Variants in KCP observed in about 807,000 individuals in gnomAD.
KCP encodes kielin/chordin-like protein.
KCP carries 194 observed loss-of-function variants against 212.7 expected under a neutral mutation model. The observed-to-expected ratio is 0.91, with a 90% CI of 0.81 to 1.03. The LOEUF (loss-of-function observed/expected upper bound fraction) is 1.03. Ranked by LOEUF, KCP falls within the 50% of genes least tolerant of loss-of-function variation. The probability of loss-of-function intolerance (pLI) is 0.00; values close to 1 mark genes in which losing one functional copy is unlikely to be tolerated. For missense variants in KCP, 2,080 were observed against 2,162.5 expected (o/e 0.96, Z 0.76); for synonymous variants, 833 against 865.3 (o/e 0.96, Z 0.65).
Position 128,878,523 on chromosome 7 carries a change from C to T in KCP, c.4311+35G>A, listed in dbSNP as rs752838026. On this transcript the variant is annotated intron_variant, in intron 38 of 39. Coordinates refer to ENST00000610776, the MANE Select transcript of KCP (RefSeq NM_001366122.1). The stretch of plus-strand genomic sequence containing the variant: ...TGAGACTCATGCTCAGCTGCGTCTC[C>T]CCTAATCCCCATCCCCGGTTCCTGT... 7 of 1,541,992 alleles carry T rather than the reference C, an allele frequency of 4.5e-6. No homozygotes were observed. In the South Asian group the frequency reaches 8.4e-5, roughly 19 times the overall value.
chr7:128,880,083 G>T lies in KCP; in HGVS notation c.3762C>A (p.Asp1254Glu), dbSNP rs1266971387. 6.5e-7 allele frequency: 1 copy of T among 1,535,620 alleles called. No individual in the cohort carries two copies. Among genetic ancestry groups the T allele is most frequent in the African/African-American group, 1.4e-5 (1 of 73,022 alleles). Reference sequence around the variant, plus strand: ...TGCCAGGACTCAGGGCAGGGGCCTTGTCCTGCACTCAGCCCCAGACACTGT... The same window carrying T: ...TGCCAGGACTCAGGGCAGGGGCCTTTTCCTGCACTCAGCCCCAGACACTGT... ...QRCSPLSCGP[D>E]KAPALSPGSC... is the part of the protein sequence containing the mutation. Residue 1254 changes from aspartate (D) to glutamate (E), a missense_variant and splice_region_variant, in exon 35 of 40, where the codon GAC becomes GAA. Coordinates refer to ENST00000610776, the MANE Select transcript of KCP (RefSeq NM_001366122.1).
At chr7:128,887,640 C>A (rs1793749565) in intron 22 of KCP, among the ~76,000 whole-genome samples, 1 of 148,666 alleles carries the variant, frequency 6.7e-6, no homozygotes, top group Non-Finnish European at 1.5e-5. Flanking sequence ...CACACACATA[C>A]ATACACAACC....
rs1416575447 is a variant in KCP at position 128,889,263 on chromosome 7, C to T, written c.2336-224G>A. On this transcript the variant is annotated intron_variant, in intron 21 of 39. Coordinates refer to ENST00000610776, the MANE Select transcript of KCP (RefSeq NM_001366122.1). The stretch of plus-strand genomic sequence containing the variant: ...TTCTCCCCTTTATCCTGCAAAAAAC[C>T]TTCCTGTTTAATTTGTAGAAAAACA... Among the ~76,000 whole-genome samples, 4 of 152,274 alleles carry T rather than the reference C, an allele frequency of 2.6e-5. No homozygotes were observed. In the South Asian group the frequency reaches 6.2e-4, roughly 24 times the overall value.
Position 128,907,362 on chromosome 7 carries a change from G to A in KCP, c.311C>T (p.Pro104Leu). Reference protein sequence around the residue: ...PQCWGLGRAWPEGARWEPDAC... With the variant: ...PQCWGLGRAWLEGARWEPDAC... ...GTCAGGCTCCCAGCGTGCCCCCTCG[G>A]GCCAGGCACGCCCCAGCCCCCAGCA... The change falls in exon 3 of 40, where the codon CCC becomes CTC. Residue 104 changes from proline (P) to leucine (L), a missense_variant. Transcript: ENST00000610776. 6.5e-7 allele frequency: 1 copy of A among 1,542,980 alleles called. No individual in the cohort carries two copies. Among genetic ancestry groups the A allele is most frequent in the African/African-American group, 1.4e-5 (1 of 72,988 alleles).
intron 28 of KCP, 131 bp from the exon 29 acceptor site, chr7:128,884,253 G>T: frequency 8.6e-7 from 1 of 1,161,056 alleles, no homozygotes; most frequent in South Asian, 1.6e-5. Context: ...CTGAACTCAA[G>T]GCTGAAGAGA....
intron 29 of KCP, among the ~76,000 whole-genome samples, chr7:128,883,355 G>C (rs1012740016): frequency 6.6e-6 from 1 of 151,962 alleles, no homozygotes; most frequent in Non-Finnish European, 1.5e-5. Context: ...GGCCAGGATG[G>C]TCTCGATCTC....
chr7:128,890,988 C>A lies in KCP; in HGVS notation c.2081G>T (p.Gly694Val). 7.6e-7 allele frequency: 1 copy of A among 1,317,770 alleles called. No homozygotes were observed. Among genetic ancestry groups the A allele is most frequent in the Non-Finnish European group, 9.6e-7 (1 of 1,039,476 alleles). The allele number at this position is 1,317,770 out of a possible 1,614,324, so 81.6% of individuals were successfully genotyped here. The change falls in exon 20 of 40, where the codon GGC becomes GTC. Residue 694 changes from glycine (G) to valine (V), a missense_variant. Transcript: ENST00000610776. ...DPCRRCLCLD[G>V]SVSCQRLPCP... ...GGGCAGCCGCTGGCAGGACACGGAG[C>A]CGTCGAGGCAGAGGCAGCGGCGGCA...
chr7:128,904,005 C>T (rs947071041), intron 6 of KCP, 51 bp downstream of exon 6: 2 of 1,486,100 alleles, frequency 1.3e-6, no homozygotes, highest in South Asian at 2.4e-5. Flanking sequence ...CAGGGCAGGG[C>T]AGGTGTCCAG....
At chr7:128,883,473 T>C (rs1226718776) in intron 29 of KCP, among the ~76,000 whole-genome samples, 1 of 152,118 alleles carries the variant, frequency 6.6e-6, no homozygotes, top group Non-Finnish European at 1.5e-5. Flanking sequence ...TCACCTGTAT[T>C]GCAAAGGTAG....
intron 5 of KCP, among the ~76,000 whole-genome samples, chr7:128,905,958 C>T (rs1456936555): frequency 6.6e-6 from 1 of 152,100 alleles, no homozygotes; most frequent in Non-Finnish European, 1.5e-5. Context: ...ACTGCACTGC[C>T]TTCTACACCT....
chr7:128,900,577 G>T (rs945409472), intron 8 of KCP, among the ~76,000 whole-genome samples: 2 of 152,212 alleles, frequency 1.3e-5, no homozygotes, highest in African/African-American at 4.8e-5. Flanking sequence ...TACTCTTGTG[G>T]AATATATTTC....
Position 128,877,502 on chromosome 7 carries a change from G to T in KCP, c.4600C>A (p.Arg1534=). 6.4e-7 allele frequency: 1 copy of T among 1,551,164 alleles called. No homozygotes were observed. The highest frequency in any genetic ancestry group is 8.7e-7 in the Non-Finnish European group (1 of 1,146,940). ...CRQAGVTPTW[R]GPTLCVVGCP... ...CCCTCACCACACAGCGTGGGGCCTC[G>T]CCAGGTAGGTGTCACTCCTGCCTGG... The change falls in exon 39 of 40, where the codon CGA becomes AGA. Residue 1534 remains arginine (R), a synonymous_variant. Transcript: ENST00000610776.
intron 5 of KCP, among the ~76,000 whole-genome samples, chr7:128,904,930 A>C (rs939306149): frequency 6.6e-6 from 1 of 152,010 alleles, no homozygotes. Context: ...TTAAAATTTC[A>C]CCAAAGACAT....
intron 8 of KCP, among the ~76,000 whole-genome samples, chr7:128,899,872 A>ATGATTCCTTAAGG: frequency 6.6e-6 from 1 of 152,000 alleles, no homozygotes; most frequent in South Asian, 2.1e-4. Flanking sequence ...TTAAGGAATC[A>ATGATTCCTTAAGG]AATTTGACTT....
chr7:128,906,206 T>G (rs1795110071), intron 5 of KCP, 73 bp downstream of exon 5: 1 of 1,281,036 alleles, frequency 7.8e-7, no homozygotes, highest in East Asian at 2.5e-5. Context: ...CCAGACTCAC[T>G]GAGGTGGCAG....
chr7:128,880,982 C>A lies in KCP; in HGVS notation c.3513+15G>T. On this transcript the variant is annotated intron_variant, in intron 32 of 39. Coordinates refer to ENST00000610776, the MANE Select transcript of KCP (RefSeq NM_001366122.1). ...CTGCGAGATCCTCCACCCTCCCAGG[C>A]CCACCCCAGCTCACATGGCAGGTGC... 1 of 399,008 alleles carries A rather than the reference C, an allele frequency of 2.5e-6. No individual in the cohort carries two copies. Among genetic ancestry groups the A allele is most frequent in the East Asian group, 3.6e-5 (1 of 28,084 alleles). The allele number at this position is 399,008 out of a possible 1,614,324, so 24.7% of individuals were successfully genotyped here.
chr7:128,903,591 G>A, intron 7 of KCP, 136 bp downstream of exon 7: 1 of 655,030 alleles, frequency 1.5e-6, no homozygotes, highest in African/African-American at 1.8e-5. Context: ...GGTGGCAATG[G>A]CAGAATTTGA....
rs1001023687 is a variant in KCP, at chr7:128,879,552, A to G, written c.4116T>C (p.Thr1372=). The G allele has an allele frequency of 1.3e-6, 2 of 1,550,120 alleles. No homozygotes were observed. Among genetic ancestry groups the G allele is most frequent in the South Asian group, 1.2e-5 (1 of 84,034 alleles). ...GCCCGGGCTGGGCGTGCAGGATCAC[A>G]GTGTGTCCTCGCAGCTCCACATACA... is the stretch of plus-strand genomic sequence containing the variant. The part of the protein sequence containing the change: ...PLLYVELRGH[T]VILHAQPGLQ... Residue 1372 remains threonine (T), a synonymous_variant, in exon 37 of 40, where the codon ACT becomes ACC. Transcript: ENST00000610776.
chr7:128,888,727 GGTGAGGGAGTCGGAGA>G, intron 22 of KCP, 120 bp downstream of exon 22: 1 of 832,508 alleles, frequency 1.2e-6, no homozygotes, highest in South Asian at 1.7e-5. Context: ...CTCTATCAAA[GGTGAGGGAGTCGGAGA>G]GTGAGAGAAA....
Sources: allele counts gnomAD v4.1 joint callset (sites outside exome capture counted in the v4.1 genomes callset), GRCh38; gene constraint gnomAD v4.1.1; transcripts MANE v1.5; gene names NCBI Gene and HGNC (gene_info 2026-07-23, HGNC 2026-07-21).